The following RAD21L1 variants were observed in gnomAD, a reference collection of about 807,000 sequenced individuals.
The protein encoded by RAD21L1 is RAD21 cohesin complex component like 1.
RAD21L1 carries 47 observed loss-of-function variants against 69.0 expected under a neutral mutation model. That is an observed-to-expected ratio of 0.68 (90% CI 0.54 to 0.87). RAD21L1 has a LOEUF of 0.87. Among genes scored for constraint, RAD21L1 ranks in the 40% least tolerant of loss-of-function variants. RAD21L1 has a pLI of 0.00. For synonymous variants in RAD21L1, 177 were observed against 205.8 expected, an observed-to-expected ratio of 0.86 and a Z score of 1.20; for missense variants, 583 against 647.6, an observed-to-expected ratio of 0.90 and a Z score of 1.08.
intron 5 of RAD21L1, among the ~76,000 whole-genome samples, chr20:1,235,571 G>A (rs562967034): frequency 3.9e-4 from 59 of 152,188 alleles, no homozygotes; most frequent in African/African-American, 1.3e-3. Flanking sequence ...CTGAAAATGT[G>A]CTTTTATTTC....
intron 12 of RAD21L1, 147 bp from the exon 13 acceptor site, chr20:1,248,479 T>G (rs187527604): frequency 4.2e-4 from 206 of 488,440 alleles, no homozygotes; most frequent in African/African-American, 3.7e-3. Context: ...TTATTCTTTT[T>G]ATAAATAATA....
chr20:1,232,451 A>T (rs893543388), intron 4 of RAD21L1, among the ~76,000 whole-genome samples: 5 of 152,232 alleles, frequency 3.3e-5, no homozygotes, highest in African/African-American at 9.6e-5. Context: ...AGAAGTCCAG[A>T]TAAGAGAATG....
intron 1 of RAD21L1, among the ~76,000 whole-genome samples, chr20:1,228,017 G>C (rs1037161465): frequency 6.6e-6 from 1 of 152,128 alleles, no homozygotes; most frequent in African/African-American, 2.4e-5. Context: ...TAGAAAAGAG[G>C]TGCCCTGTAT....
intron 13 of RAD21L1, among the ~76,000 whole-genome samples, chr20:1,251,541 G>C (rs940648174): frequency 6.6e-6 from 1 of 151,848 alleles, no homozygotes; most frequent in African/African-American, 2.4e-5. Flanking sequence ...GCTCAGGCTG[G>C]TTTCAAACTC....
rs893302069 is a variant in RAD21L1, at chr20:1,244,376, A to T, written c.1308+206A>T. 9.2e-5 allele frequency among the ~76,000 whole-genome samples: 14 copies of T among 152,178 alleles called. 1 individual carries two copies. Among genetic ancestry groups the T allele is most frequent in the Admixed American group, 7.2e-4 (11 of 15,276 alleles). ...GAGTTTAGGATGTAAATTGCAAGAT[A>T]AGGTGGTTTCATACCAAGCTAGTAT... On this transcript the variant is annotated intron_variant, in intron 11 of 13. Transcript: ENST00000683101.
chr20:1,238,906 C>T (rs1272448766), intron 6 of RAD21L1, among the ~76,000 whole-genome samples: 5 of 152,150 alleles, frequency 3.3e-5, no homozygotes, highest in African/African-American at 1.2e-4. Flanking sequence ...TCAATGCAAC[C>T]TCTGCCACCT....
chr20:1,237,798 C>A (rs2087530598), intron 5 of RAD21L1, among the ~76,000 whole-genome samples: 1 of 152,124 alleles, frequency 6.6e-6, no homozygotes, highest in Non-Finnish European at 1.5e-5. Context: ...TATATCACAA[C>A]TATAAACTCT....
chr20:1,229,344 A>C (rs1600213847), intron 2 of RAD21L1, among the ~76,000 whole-genome samples: 2 of 152,220 alleles, frequency 1.3e-5, no homozygotes, highest in African/African-American at 4.8e-5. Flanking sequence ...AAAATTAAAT[A>C]AATTAGTGTA....
In RAD21L1 at chr20:1,230,670, T is replaced by C. The variant is rs186541586; in HGVS notation, c.274+661T>C. ...AATATCTGTCTCAGTGCCTTGCACATACCATTTCCTCAATCAACATTTGTT... is the reference window on the plus strand; with the variant it reads ...AATATCTGTCTCAGTGCCTTGCACACACCATTTCCTCAATCAACATTTGTT... On this transcript the variant is annotated intron_variant, in intron 3 of 13. Coordinates refer to ENST00000683101, the MANE Select transcript of RAD21L1 (RefSeq NM_001384355.1). 8.0e-3 allele frequency: 3,072 copies of C among 383,710 alleles called. 16 individuals carry two copies. The highest frequency in any genetic ancestry group is 0.01 in the Non-Finnish European group (2,809 of 280,042). 23.8% of individuals were successfully genotyped at this position (383,710 alleles called of 1,614,324 possible). A position where few individuals can be genotyped will look rare whatever the true frequency, so the allele number is the denominator to read the frequency against.
chr20:1,229,667 ATACTT>A (rs1394810914), intron 2 of RAD21L1, among the ~76,000 whole-genome samples: 1 of 152,234 alleles, frequency 6.6e-6, no homozygotes, highest in Admixed American at 6.5e-5. Context: ...CAATAATAGT[ATACTT>A]TACTTAAATG....
chr20:1,251,974 T>C (rs1479823349), intron 13 of RAD21L1, among the ~76,000 whole-genome samples: 3 of 152,168 alleles, frequency 2.0e-5, no homozygotes, highest in Admixed American at 1.3e-4. Flanking sequence ...AGTAAACATA[T>C]ATCAAACCAG....
rs367768299 is a variant in RAD21L1 at position 1,229,521 on chromosome 20, A to C, written c.145-359A>C. Among the ~76,000 whole-genome samples the C allele has an allele frequency of 4.7e-4, 72 of 152,344 alleles. 1 individual carries two copies. In the South Asian group the frequency reaches 0.014, roughly 30 times the overall value. On this transcript the variant is annotated intron_variant, in intron 2 of 13. Coordinates refer to ENST00000683101, the MANE Select transcript of RAD21L1 (RefSeq NM_001384355.1). ...CAGAGCGAGACTCCGTCTCCAAAAA[A>C]ACAATAATAATAAAAAAATAAGCTG...
chr20:1,244,000 T>G lies in RAD21L1; in HGVS notation c.1184-46T>G, dbSNP rs1340208625. ...TTACAACCATATCACAATTCAAGTT[T>G]GAAAGATATTTTGGTGAAATTGTCT... On this transcript the variant is annotated intron_variant, in intron 10 of 13. Coordinates refer to ENST00000683101, the MANE Select transcript of RAD21L1 (RefSeq NM_001384355.1). The G allele has an allele frequency of 2.0e-6, 3 of 1,516,650 alleles. No individual in the cohort carries two copies. In the Admixed American group the frequency reaches 6.0e-5, roughly 31 times the overall value. The allele number at this position is 1,516,650 out of a possible 1,614,324, so 93.9% of individuals were successfully genotyped here.
chr20:1,243,267 A>C (rs2087654059), intron 10 of RAD21L1, 71 bp downstream of exon 10: 1 of 699,434 alleles, frequency 1.4e-6, no homozygotes, highest in Non-Finnish European at 2.3e-6. Flanking sequence ...TTTAAATTTC[A>C]AAATGAAGGT....
Position 1,234,170 on chromosome 20 carries a change from A to C in RAD21L1, c.454A>C (p.Ile152Leu), listed in dbSNP as rs203534. The stretch of plus-strand genomic sequence containing the variant: ...TAGAGAAAATTTTGACAATGATCTA[A>C]TTTTCCAAGCTGAGAGCTTTGGTGA... ...TLRENFDNDLIFQAESFGEES... is the reference protein window; with the variant it reads ...TLRENFDNDLLFQAESFGEES... The change falls in exon 5 of 14, where the codon ATT (isoleucine) becomes CTT (leucine). Residue 152 changes from isoleucine to leucine, a missense_variant. Physicochemically the swap from Ile to Leu is conservative, Grantham distance 5. Transcript: ENST00000683101. 783,566 of 1,510,352 alleles carry C rather than the reference A, an allele frequency of 0.52. 208,780 individuals are homozygous for C. The highest frequency in any genetic ancestry group is 0.75 in the African/African-American group (53,745 of 72,074). The allele number at this position is 1,510,352 out of a possible 1,614,324, so 93.6% of individuals were successfully genotyped here. A position where few individuals can be genotyped will look rare whatever the true frequency, so the allele number is the denominator to read the frequency against.
At chr20:1,242,953 C>T (rs1197825619) in intron 9 of RAD21L1, 108 bp downstream of exon 9, 63 of 918,706 alleles carry the variant, frequency 6.9e-5, no homozygotes, top group East Asian at 3.5e-4. Context: ...TTTAAACTTG[C>T]GAAGAAGTAC....
rs2087535914 is a variant in RAD21L1, at chr20:1,238,074, G to T, written c.506G>T (p.Ser169Ile). ...GAATCTGAAATTCTCAGAAGACATA[G>T]CTTCTTTGATGACAACATATTACTG... is the stretch of plus-strand genomic sequence containing the variant. ...GEESEILRRHSFFDDNILLNS... is the reference protein window; with the variant it reads ...GEESEILRRHIFFDDNILLNS... The change falls in exon 6 of 14, where the codon AGC becomes ATC. Residue 169 changes from serine to isoleucine, a missense_variant. Transcript: ENST00000683101. 1 of 1,527,982 alleles carries T rather than the reference G, an allele frequency of 6.5e-7. No individual in the cohort carries two copies. 94.7% of individuals were successfully genotyped at this position (1,527,982 alleles called of 1,614,324 possible). A position where few individuals can be genotyped will look rare whatever the true frequency, so the allele number is the denominator to read the frequency against.
chr20:1,249,068 T>A (rs971903903), intron 13 of RAD21L1, among the ~76,000 whole-genome samples: 2 of 152,180 alleles, frequency 1.3e-5, no homozygotes, highest in Non-Finnish European at 2.9e-5. Flanking sequence ...AAATAATACA[T>A]GTATATTATT....
chr20:1,237,187 T>C (rs1372731576), intron 5 of RAD21L1, among the ~76,000 whole-genome samples: 6 of 152,178 alleles, frequency 3.9e-5, no homozygotes, highest in African/African-American at 1.4e-4. Flanking sequence ...AGACTAACCT[T>C]GGACCTCTGG....
Sources: gnomAD v4.1 joint callset for allele counts (sites outside exome capture counted in the v4.1 genomes callset) on GRCh38, gnomAD v4.1.1 for gene constraint, MANE v1.5 for transcripts, NCBI Gene and HGNC (gene_info 2026-07-23, HGNC 2026-07-21) for gene names.